EPM2A: variants seen among roughly 807,000 people sequenced by gnomAD.
The protein encoded by EPM2A is laforin.
A neutral mutation model predicts 26.5 loss-of-function variants in EPM2A; 21 were observed. The ratio of observed to expected loss-of-function variants is 0.79; its 90% CI spans 0.56 to 1.14. EPM2A has a LOEUF of 1.14. Among genes scored for constraint, EPM2A ranks in the 50% most tolerant of loss-of-function variants. The pLI is 0.00. For missense variants in EPM2A, 458 were observed against 440.8 expected (o/e 1.04, Z -0.35); for synonymous variants, 217 against 177.6 (o/e 1.22, Z -1.76).
At chr6:145,633,568 C>T (rs1776424455) in intron 3 of EPM2A, among the ~76,000 whole-genome samples, 1 of 152,164 alleles carries the variant, frequency 6.6e-6, no homozygotes, top group Admixed American at 6.5e-5. Context: ...TCAGCTCAGA[C>T]ACAGATCAAC....
intron 2 of EPM2A, among the ~76,000 whole-genome samples, chr6:145,509,561 A>G (rs1334026279): frequency 6.6e-6 from 1 of 152,204 alleles, no homozygotes; most frequent in Non-Finnish European, 1.5e-5. Context: ...TTAGCACTAG[A>G]CTGGCCCTAT....
chr6:145,437,849 A>T (rs1345160429), intron 4 of EPM2A, among the ~76,000 whole-genome samples: 1 of 152,234 alleles, frequency 6.6e-6, no homozygotes, highest in African/African-American at 2.4e-5. Context: ...TTTGTACATC[A>T]GGCTCAGCTC....
intron 2 of EPM2A, among the ~76,000 whole-genome samples, chr6:145,569,983 C>T (rs923213607): frequency 6.6e-6 from 1 of 152,038 alleles, no homozygotes; most frequent in Non-Finnish European, 1.5e-5. Context: ...ACTTGGAGCC[C>T]GATGTTCGAG....
intron 4 of EPM2A, among the ~76,000 whole-genome samples, chr6:145,390,738 T>C (rs975102409): frequency 6.6e-6 from 1 of 152,192 alleles, no homozygotes; most frequent in African/African-American, 2.4e-5. Context: ...TATGCATTTT[T>C]ACATCATATT....
intron 3 of EPM2A, 103 bp downstream of exon 3, chr6:145,635,142 A>G: frequency 7.6e-7 from 1 of 1,317,050 alleles, no homozygotes. Context: ...TATTTATTCC[A>G]TTTCTACCAT....
intron 2 of EPM2A, among the ~76,000 whole-genome samples, chr6:145,577,628 C>G (rs1351655686): frequency 6.7e-6 from 1 of 150,190 alleles, no homozygotes; most frequent in Admixed American, 6.6e-5. Context: ...TCACTTTTGG[C>G]TTTGGACAGA....
At chr6:145,706,690 G>A (rs1177131987) in intron 1 of EPM2A, among the ~76,000 whole-genome samples, 1 of 152,198 alleles carries the variant, frequency 6.6e-6, no homozygotes, top group African/African-American at 2.4e-5. Context: ...CCAAAGGAAT[G>A]TGTATACGCA....
intron 4 of EPM2A, among the ~76,000 whole-genome samples, chr6:145,451,574 G>T (rs974464267): frequency 1.4e-4 from 22 of 152,158 alleles, no homozygotes; most frequent in African/African-American, 4.8e-4. Flanking sequence ...ACAATATGCT[G>T]CAAGAGACCG....
chr6:145,401,906 T>G (rs1418961566), intron 4 of EPM2A, among the ~76,000 whole-genome samples: 1 of 151,830 alleles, frequency 6.6e-6, no homozygotes, highest in African/African-American at 2.4e-5. Context: ...CTAATATAAA[T>G]AAATGAATAA....
At chr6:145,472,654 C>T (rs916232607) in intron 4 of EPM2A, among the ~76,000 whole-genome samples, 2 of 151,950 alleles carry the variant, frequency 1.3e-5, no homozygotes, top group Non-Finnish European at 2.9e-5. Context: ...AGGGTGGTGA[C>T]GGCTATGGGG....
chr6:145,423,124 TTTG>T (rs927170269), intron 4 of EPM2A, among the ~76,000 whole-genome samples: 4 of 152,098 alleles, frequency 2.6e-5, no homozygotes, highest in Admixed American at 2.6e-4. Context: ...CTTTTTCTTA[TTTG>T]TTCTCTTTAA....
At chr6:145,710,014 C>T (rs1583099866) in intron 1 of EPM2A, among the ~76,000 whole-genome samples, 1 of 152,116 alleles carries the variant, frequency 6.6e-6, no homozygotes, top group East Asian at 1.9e-4. Flanking sequence ...CATAAAAACC[C>T]TAGAAGAAAA....
chr6:145,535,049 C>T (rs1780412558), intron 2 of EPM2A, among the ~76,000 whole-genome samples: 1 of 152,184 alleles, frequency 6.6e-6, no homozygotes, highest in African/African-American at 2.4e-5. Context: ...TTTTTATCTC[C>T]TTCCCAGGTA....
At chr6:145,670,291 C>A (rs1779549443) in intron 2 of EPM2A, 1 of 152,080 alleles carries the variant, frequency 6.6e-6, no homozygotes, top group African/African-American at 2.4e-5. Flanking sequence ...TTACCCACAT[C>A]ATTCATGACT....
intron 2 of EPM2A, among the ~76,000 whole-genome samples, chr6:145,669,123 A>C (rs1350739523): frequency 1.3e-5 from 2 of 152,184 alleles, no homozygotes; most frequent in Non-Finnish European, 2.9e-5. Flanking sequence ...AGGAACAATA[A>C]GTCTTCATGA....
At chr6:145,456,044 T>A (rs186187871) in intron 4 of EPM2A, among the ~76,000 whole-genome samples, 230 of 152,290 alleles carry the variant, frequency 1.5e-3, no homozygotes, top group African/African-American at 5.1e-3. Flanking sequence ...ATTTTTTAAT[T>A]AAAACCCTCT....
chr6:145,562,595 C>T (rs1022771382), intron 2 of EPM2A, among the ~76,000 whole-genome samples: 9 of 152,212 alleles, frequency 5.9e-5, no homozygotes, highest in African/African-American at 1.9e-4. Context: ...GGAAATTCAA[C>T]TTGAGTCATG....
At chr6:145,515,847 G>C (rs1188702844) in intron 2 of EPM2A, among the ~76,000 whole-genome samples, 1 of 152,182 alleles carries the variant, frequency 6.6e-6, no homozygotes, top group African/African-American at 2.4e-5. Flanking sequence ...AGGATCCAAA[G>C]ACAAACCATG....
chr6:145,624,382 C>T (rs1243809418), downstream of EPM2A, among the ~76,000 whole-genome samples: 3 of 152,182 alleles, frequency 2.0e-5, no homozygotes, highest in African/African-American at 7.2e-5. Flanking sequence ...CTCATTTTAG[C>T]CATTTTTCTT....
Sources: allele counts gnomAD v4.1 joint callset (sites outside exome capture counted in the v4.1 genomes callset), GRCh38; gene constraint gnomAD v4.1.1; transcripts MANE v1.5; gene names NCBI Gene and HGNC (gene_info 2026-07-23, HGNC 2026-07-21).